The following OTOGL variants were observed in gnomAD, a reference collection of about 807,000 sequenced individuals.
OTOGL encodes otogelin like.
OTOGL carries 285 observed loss-of-function variants against 318.5 expected under a neutral mutation model. The observed-to-expected ratio is 0.89, with a 90% CI of 0.81 to 0.99. The LOEUF (loss-of-function observed/expected upper bound fraction) is 0.99. Ranked by LOEUF, OTOGL falls within the 50% of genes least tolerant of loss-of-function variation. The pLI is 0.00. For synonymous variants in OTOGL, 987 were observed against 936.5 expected (o/e 1.05, Z -0.99); for missense variants, 2,899 against 2,845.6 (o/e 1.02, Z -0.43).
At chr12:80,259,311 G>A (rs1882328561) in intron 18 of OTOGL, among the ~76,000 whole-genome samples, 1 of 151,374 alleles carries the variant, frequency 6.6e-6, no homozygotes, top group Non-Finnish European at 1.5e-5. Flanking sequence ...TCATGGAGAA[G>A]CTACTCTCCA....
intron 1 of OTOGL, among the ~76,000 whole-genome samples, chr12:80,183,371 T>C (rs915540869): frequency 1.3e-5 from 2 of 152,242 alleles, no homozygotes; most frequent in African/African-American, 4.8e-5. Flanking sequence ...ACTCTTAAGA[T>C]GACTCCAAGT....
At chr12:80,125,894 T>C (rs549038757) in intron 1 of OTOGL, among the ~76,000 whole-genome samples, 7 of 152,274 alleles carry the variant, frequency 4.6e-5, no homozygotes, top group South Asian at 2.1e-4. Context: ...ATCCCCTTTA[T>C]CATTTTTTTA....
At chr12:80,266,737 TA>T in intron 21 of OTOGL, 121 bp downstream of exon 21, 4 of 954,444 alleles carry the variant, frequency 4.2e-6, no homozygotes, top group South Asian at 1.9e-5. Context: ...CTTTTTTTTT[TA>T]AAAAACCCTG....
chr12:80,150,528 G>A (rs549361329), intron 1 of OTOGL, among the ~76,000 whole-genome samples: 3 of 152,298 alleles, frequency 2.0e-5, no homozygotes, highest in Admixed American at 2.0e-4. Flanking sequence ...TGGGATTTTT[G>A]CTGTTTCTAA....
At chr12:80,128,894 C>T (rs1220403783) in intron 1 of OTOGL, among the ~76,000 whole-genome samples, 2 of 152,192 alleles carry the variant, frequency 1.3e-5, no homozygotes, top group Non-Finnish European at 2.9e-5. Flanking sequence ...TGGAAAAGCA[C>T]AGTATTAGGG....
chr12:80,270,104 A>T lies in OTOGL; in HGVS notation c.2468A>T (p.Gln823Leu), dbSNP rs1217130113. 17 of 1,597,756 alleles carry T rather than the reference A, an allele frequency of 1.1e-5. No individual in the cohort carries two copies. The highest frequency in any genetic ancestry group is 1.5e-5 in the Non-Finnish European group (17 of 1,166,726). Reference protein sequence around the residue: ...ELIPTPSGLCQCSNGTVKCDE... With the variant: ...ELIPTPSGLCLCSNGTVKCDE... ...ATTAACTATTTATTTACTTCTAGCC[A>T]GTGTTCAAATGGGACTGTGAAATGT... Residue 823 changes from glutamine (Q) to leucine (L), a missense_variant and splice_region_variant, in exon 23 of 59, where the codon CAG becomes CTG. Physicochemically the swap from Gln to Leu is moderately radical, Grantham distance 113. Around this residue, in one of 3 missense-constraint regions of OTOGL, gnomAD observed 2,607 missense variants for 2,524.9 expected, o/e 1.03. Coordinates refer to ENST00000547103, the MANE Select transcript of OTOGL (RefSeq NM_001378609.3).
At chr12:80,140,378 T>C in intron 1 of OTOGL, among the ~76,000 whole-genome samples, 1 of 152,218 alleles carries the variant, frequency 6.6e-6, no homozygotes, top group East Asian at 1.9e-4. Context: ...AACAGATTGC[T>C]TTTGATGTCT....
chr12:80,248,926 T>C (rs1881188781), intron 11 of OTOGL, among the ~76,000 whole-genome samples: 1 of 148,738 alleles, frequency 6.7e-6, no homozygotes, highest in South Asian at 2.1e-4. Context: ...CATCTTCCAT[T>C]GCTGATACCC....
intron 37 of OTOGL, 76 bp from the exon 38 acceptor site, chr12:80,332,924 TAGCAC>T: frequency 2.6e-6 from 3 of 1,142,700 alleles, no homozygotes; most frequent in Non-Finnish European, 3.8e-6. Flanking sequence ...CAAAATTTCT[TAGCAC>T]AGTTTCTGTC....
chr12:80,377,364 A>G (rs1566026941), intron 58 of OTOGL, among the ~76,000 whole-genome samples, 162 bp downstream of exon 58: 1 of 152,168 alleles, frequency 6.6e-6, no homozygotes, highest in Non-Finnish European at 1.5e-5. Flanking sequence ...TTTGTGAAGA[A>G]GTATGAATTA....
rs1359947300 is a variant in OTOGL at position 80,302,743 on chromosome 12, G to A, written c.3173G>A (p.Arg1058Lys). Residue 1058 changes from arginine (R) to lysine (K), a missense_variant, in exon 28 of 59, where the codon AGG becomes AAG. By Grantham distance (26) the Arg-to-Lys change is conservative. Coordinates refer to ENST00000547103, the MANE Select transcript of OTOGL (RefSeq NM_001378609.3). ...PEKDITILWD[R>K]KTTIHIKVGP... Reference sequence around the variant, plus strand: ...AAAGATATCACTATTCTTTGGGATAGGAAGACAACTATTCATATCAAAGTT... The same window carrying A: ...AAAGATATCACTATTCTTTGGGATAAGAAGACAACTATTCATATCAAAGTT... 6.5e-7 allele frequency: 1 copy of A among 1,541,070 alleles called. No homozygotes were observed. The highest frequency in any genetic ancestry group is 1.9e-5 in the Admixed American group (1 of 53,526).
intron 11 of OTOGL, among the ~76,000 whole-genome samples, chr12:80,248,499 C>T (rs1163802272): frequency 7.3e-6 from 1 of 137,726 alleles, no homozygotes; most frequent in Admixed American, 7.2e-5. Context: ...GGCCCCCACT[C>T]TCTTCTGGCT....
intron 2 of OTOGL, among the ~76,000 whole-genome samples, chr12:80,209,881 G>T (rs746387885): frequency 6.6e-6 from 1 of 151,954 alleles, no homozygotes; most frequent in Non-Finnish European, 1.5e-5. Flanking sequence ...TCTAAAAGAT[G>T]ATTTAAAATA....
intron 34 of OTOGL, among the ~76,000 whole-genome samples, chr12:80,321,314 T>G (rs1434078243): frequency 1.1e-4 from 16 of 152,224 alleles, no homozygotes; most frequent in Non-Finnish European, 2.4e-4. Flanking sequence ...GCTTGATATC[T>G]ATCTTGAGTC....
At chr12:80,370,494 C>A in intron 55 of OTOGL, 76 bp from the exon 56 acceptor site, 1 of 1,230,668 alleles carries the variant, frequency 8.1e-7, no homozygotes, top group Non-Finnish European at 1.1e-6. Flanking sequence ...ACTTTTTATT[C>A]AATAGAATAA....
At chr12:80,200,072 C>T (rs1486851679) in intron 1 of OTOGL, among the ~76,000 whole-genome samples, 1 of 152,166 alleles carries the variant, frequency 6.6e-6, no homozygotes, top group Admixed American at 6.5e-5. Context: ...TTGTCACTAA[C>T]AATATTTACT....
intron 1 of OTOGL, among the ~76,000 whole-genome samples, chr12:80,158,018 T>C (rs1873243208): frequency 6.6e-6 from 1 of 152,132 alleles, no homozygotes; most frequent in Non-Finnish European, 1.5e-5. Context: ...ATATGGTGGG[T>C]TTAAATAAAT....
intron 26 of OTOGL, among the ~76,000 whole-genome samples, chr12:80,280,014 C>G (rs1186997295): frequency 6.6e-6 from 1 of 151,610 alleles, no homozygotes; most frequent in East Asian, 1.9e-4. Context: ...GAGATGATAT[C>G]TTATTATGGT....
chr12:80,119,855 A>G (rs1343889606), intron 1 of OTOGL, among the ~76,000 whole-genome samples: 2 of 152,200 alleles, frequency 1.3e-5, no homozygotes, highest in Non-Finnish European at 2.9e-5. Flanking sequence ...ATATGATGTA[A>G]TTCAATTCAG....
Sources: gnomAD v4.1 joint callset for allele counts (sites outside exome capture counted in the v4.1 genomes callset) on GRCh38, gnomAD v4.1.1 for gene constraint, gnomAD v4.1.1 regional missense constraint, MANE v1.5 for transcripts, NCBI Gene and HGNC (gene_info 2026-07-23, HGNC 2026-07-21) for gene names.